Variants in DNAH10 observed in about 807,000 individuals in gnomAD.
DNAH10 encodes axonemal beta dynein heavy chain 10.
DNAH10 carries 348 observed loss-of-function variants against 506.6 expected under a neutral mutation model. That is an observed-to-expected ratio of 0.69 (90% confidence interval 0.63 to 0.75). The LOEUF (loss-of-function observed/expected upper bound fraction) is 0.75. Ranked by LOEUF, DNAH10 falls within the 30% of genes least tolerant of loss-of-function variation. The probability of loss-of-function intolerance (pLI) is 0.00; values close to 1 mark genes in which losing one functional copy is unlikely to be tolerated. For synonymous variants in DNAH10, 2,059 were observed against 2,198.6 expected (o/e 0.94, Z 1.78); for missense variants, 5,179 against 5,787.1 (o/e 0.89, Z 3.41).
At chr12:123,818,066 G>A (rs552644646) in intron 21 of DNAH10, among the ~76,000 whole-genome samples, 5 of 149,730 alleles carry the variant, frequency 3.3e-5, no homozygotes, top group Non-Finnish European at 5.9e-5. Flanking sequence ...CTCTTGCCTC[G>A]GCCTCCTGAG....
rs1057442730 is a variant in DNAH10, at chr12:123,919,544, A to G, written c.11506+595A>G. ...AGCATATACATAGAGTTGTGCAGCTATCACTACTCTCTGGCTCCGGAACGT... is the reference window on the plus strand; with the variant it reads ...AGCATATACATAGAGTTGTGCAGCTGTCACTACTCTCTGGCTCCGGAACGT... On this transcript the variant is annotated intron_variant, in intron 65 of 78. Transcript: ENST00000673944. The surrounding 1 kb of genome is among the most constrained non-coding windows in gnomAD (Gnocchi z 4.9). Among the ~76,000 whole-genome samples, 3 of 152,196 alleles carry G rather than the reference A, an allele frequency of 2.0e-5. No individual in the cohort carries two copies. The highest frequency in any genetic ancestry group is 4.4e-5 in the Non-Finnish European group (3 of 68,036).
rs1959192669 is a variant in DNAH10 at position 123,819,004 on chromosome 12, C to T, written c.3835C>T (p.Leu1279=). The T allele has an allele frequency of 1.2e-6, 2 of 1,608,442 alleles. No homozygotes were observed. Residue 1279 remains leucine, a synonymous_variant, in exon 22 of 79, where the codon CTG becomes TTG. Coordinates refer to ENST00000673944, the MANE Select transcript of DNAH10 (RefSeq NM_001372106.1). ...TAAGATTGAGAGCATATGGTCCAAT[C>T]TGTTTAATGATTCAGTGAATGTGGA... The part of the protein sequence containing the change: ...VDKIESIWSN[L]FNDSVNVEHA...
intron 17 of DNAH10, 60 bp from the exon 18 acceptor site, chr12:123,804,772 CT>C (rs1958599801): frequency 2.6e-6 from 4 of 1,538,320 alleles, no homozygotes; most frequent in Non-Finnish European, 3.6e-6. Flanking sequence ...TTTGGATTGC[CT>C]TTTGAGTGCT....
intron 5 of DNAH10, among the ~76,000 whole-genome samples, chr12:123,774,485 G>T (rs568009717): frequency 1.6e-4 from 24 of 152,152 alleles, no homozygotes; most frequent in Admixed American, 1.3e-4. Flanking sequence ...GAAATCAGGT[G>T]TCTCACAGCC....
At chr12:123,765,589 T>TA (rs1555302063) in intron 1 of DNAH10, among the ~76,000 whole-genome samples, 2 of 150,848 alleles carry the variant, frequency 1.3e-5, no homozygotes, top group African/African-American at 5.0e-5. Context: ...TCTATCTATC[T>TA]ATCTATCTAT....
chr12:123,871,482 T>C lies in DNAH10; in HGVS notation c.7665T>C (p.Thr2555=). Residue 2555 remains threonine, a synonymous_variant, in exon 45 of 79, where the codon ACT becomes ACC. Coordinates refer to ENST00000673944, the MANE Select transcript of DNAH10 (RefSeq NM_001372106.1). ...ILVHTVDTTR[T]TWILEQMVKI... ...TTCACACAGTGGATACCACTCGGAC[T>C]ACCTGGATATTGGAACAAATGGTTA... 6.3e-7 allele frequency: 1 copy of C among 1,582,042 alleles called. No individual in the cohort carries two copies. The highest frequency in any genetic ancestry group is 8.6e-7 in the Non-Finnish European group (1 of 1,162,480).
intron 1 of DNAH10, among the ~76,000 whole-genome samples, chr12:123,765,798 T>C (rs1181359620): frequency 6.6e-6 from 1 of 151,040 alleles, no homozygotes; most frequent in East Asian, 1.9e-4. Context: ...TGTCTATACA[T>C]CTATCTACCT....
At chr12:123,871,435 C>T (rs1445399584) in intron 44 of DNAH10, 22 bp from the exon 45 acceptor site, 1 of 1,582,156 alleles carries the variant, frequency 6.3e-7, no homozygotes, top group African/African-American at 1.3e-5. Context: ...TGAGATGCCC[C>T]TGTTCCTAAT....
intron 51 of DNAH10, 92 bp downstream of exon 51, chr12:123,881,905 C>G (rs904186741): frequency 3.3e-6 from 4 of 1,202,332 alleles, no homozygotes; most frequent in Non-Finnish European, 4.3e-6. Flanking sequence ...CACAGCAGAT[C>G]ATAGCATGAT....
chr12:123,931,305 G>T, intron 73 of DNAH10, 36 bp from the exon 74 acceptor site: 1 of 1,609,984 alleles, frequency 6.2e-7, no homozygotes, highest in Non-Finnish European at 8.5e-7. Flanking sequence ...ACAGGTGGCT[G>T]GACAGTGCCA....
At chr12:123,904,154 G>T (rs758706922) in intron 57 of DNAH10, among the ~76,000 whole-genome samples, 6 of 152,176 alleles carry the variant, frequency 3.9e-5, no homozygotes, top group Non-Finnish European at 7.3e-5. Flanking sequence ...ATGACCTCCC[G>T]GTTCATTCTT....
chr12:123,806,821 G>A lies in DNAH10; in HGVS notation c.2987+1781G>A, dbSNP rs568583152. On this transcript the variant is annotated intron_variant, in intron 18 of 78. Coordinates refer to ENST00000673944, the MANE Select transcript of DNAH10 (RefSeq NM_001372106.1). ...CTTGCTCTGTTGCCCAGGCTGGAGT[G>A]CAGTGGCGCAATCTTGGCTCGCTGC... Among the ~76,000 whole-genome samples the A allele has an allele frequency of 1.0e-4, 15 of 148,870 alleles. No individual in the cohort carries two copies. In the East Asian group the frequency reaches 3.0e-3, roughly 29 times the overall value.
rs776684495 is a variant in DNAH10, at chr12:123,787,800, G to A, written c.1422-4G>A. 7 of 1,612,650 alleles carry A rather than the reference G, an allele frequency of 4.3e-6. 1 individual carries two copies. The South Asian group carries it at 5.5e-5, about 13-fold the overall frequency. Reference sequence around the variant, plus strand: ...TCCCATCACGGCATCTCTTGGCTTCGCAGAGAAAATCGAGCGAGTGCCCAA... The same window carrying A: ...TCCCATCACGGCATCTCTTGGCTTCACAGAGAAAATCGAGCGAGTGCCCAA... On this transcript the variant is annotated splice_polypyrimidine_tract_variant and splice_region_variant and intron_variant, in intron 9 of 78. Transcript: ENST00000673944. This position sits in a 1 kb window ranked among gnomAD's most constrained non-coding sequence, Gnocchi z 4.6.
At chr12:123,886,468 T>TGC (rs527817326) in intron 51 of DNAH10, among the ~76,000 whole-genome samples, 2,165 of 134,168 alleles carry the variant, frequency 0.016, 40 homozygotes, top group East Asian at 0.087. Context: ...CTGGTTGCGT[T>TGC]GCGCGCGCGC....
intron 36 of DNAH10, among the ~76,000 whole-genome samples, chr12:123,855,469 C>T (rs911780988): frequency 1.3e-5 from 2 of 151,486 alleles, no homozygotes; most frequent in Non-Finnish European, 2.9e-5. Flanking sequence ...CAAACAAATA[C>T]CCAAAACTAA....
At position 123,913,380 on chromosome 12, in the gene DNAH10, G is replaced by A. The variant is rs542267909; in HGVS notation, c.10352+65G>A. Reference sequence around the variant, plus strand: ...ACGGACGTCACCCACAGAGTTTCTCGCCATGTTGATTCTTTATCTCACGTT... The same window carrying A: ...ACGGACGTCACCCACAGAGTTTCTCACCATGTTGATTCTTTATCTCACGTT... On this transcript the variant is annotated intron_variant, in intron 60 of 78. Transcript: ENST00000673944. The surrounding 1 kb of genome is among the most constrained non-coding windows in gnomAD (Gnocchi z 5.1). 78 of 1,461,080 alleles carry A rather than the reference G, an allele frequency of 5.3e-5. No individual in the cohort carries two copies. In the East Asian group the frequency reaches 1.9e-3, roughly 35 times the overall value. The allele number at this position is 1,461,080 out of a possible 1,614,324, so 90.5% of individuals were successfully genotyped here. A position where few individuals can be genotyped will look rare whatever the true frequency, so the allele number is the denominator to read the frequency against.
At chr12:123,803,640 T>C (rs1323193364) in intron 16 of DNAH10, 21 bp from the exon 17 acceptor site, 2 of 1,514,944 alleles carry the variant, frequency 1.3e-6, no homozygotes, top group African/African-American at 2.9e-5. Context: ...CAAATGTCTT[T>C]CTTTCTTTCT....
intron 53 of DNAH10, 45 bp from the exon 54 acceptor site, chr12:123,894,598 T>C: frequency 6.3e-7 from 1 of 1,575,136 alleles, no homozygotes. Context: ...TCTCGCCACA[T>C]TGCCCAGGCT....
chr12:123,803,801 G>T lies in DNAH10; in HGVS notation c.2755G>T (p.Ala919Ser). ...EAINLFKYPA[A>S]KSEEELPGVK... The stretch of plus-strand genomic sequence containing the variant: ...CATAAATCTCTTTAAATATCCAGCC[G>T]CTAAAAGTGAGGAAGAACTCCCAGG... Residue 919 changes from alanine to serine, a missense_variant, in exon 17 of 79, where the codon GCT becomes TCT. Around this residue, in one of 3 missense-constraint regions of DNAH10, gnomAD observed 4,844 missense variants for 5,430.5 expected, o/e 0.89. Coordinates refer to ENST00000673944, the MANE Select transcript of DNAH10 (RefSeq NM_001372106.1). 2.5e-6 allele frequency: 4 copies of T among 1,610,888 alleles called. No individual in the cohort carries two copies. In the South Asian group the frequency reaches 3.3e-5, roughly 13 times the overall value.
Sources: allele counts gnomAD v4.1 joint callset (sites outside exome capture counted in the v4.1 genomes callset), GRCh38; gene constraint gnomAD v4.1.1; regional missense constraint gnomAD v4.1.1; non-coding constraint Gnocchi (gnomAD v3.1); transcripts MANE v1.5; gene names NCBI Gene and HGNC (gene_info 2026-07-23, HGNC 2026-07-21).